Variants in CFLAR observed in about 807,000 individuals in gnomAD.
The protein encoded by CFLAR is CASP8 and FADD-like apoptosis regulator.
Under a neutral mutation model 51.1 loss-of-function variants are expected in CFLAR, and 14 were observed. That is an observed-to-expected ratio of 0.27 (90% confidence interval 0.18 to 0.43). The LOEUF (loss-of-function observed/expected upper bound fraction) is 0.43. Among genes scored for constraint, CFLAR ranks in the 20% least tolerant of loss-of-function variants. The pLI, the probability that CFLAR is intolerant of heterozygous loss-of-function variation, is 1.00. For synonymous variants in CFLAR, 210 were observed against 211.6 expected (o/e 0.99, Z 0.06); for missense variants, 390 against 566.5 (o/e 0.69, Z 3.16).
chr2:201,133,990 G>A lies in CFLAR; in HGVS notation c.387+856G>A, dbSNP rs1470752245. ...GACCAGGTAGTGGTGAAGATCTCGG[G>A]GATGTCATGATTGCTAGAAAAATAT... On this transcript the variant is annotated intron_variant, in intron 3 of 9. Transcript: ENST00000309955. Among the ~76,000 whole-genome samples the A allele has an allele frequency of 3.8e-5, 4 of 105,590 alleles. No homozygotes were observed. In the East Asian group the frequency reaches 8.2e-4, roughly 22 times the overall value. 69.3% of individuals were successfully genotyped at this position (105,590 alleles called of 152,430 possible). A position where few individuals can be genotyped will look rare whatever the true frequency, so the allele number is the denominator to read the frequency against.
At chr2:201,143,916 C>T (rs1236970220) in intron 5 of CFLAR, among the ~76,000 whole-genome samples, 1 of 151,878 alleles carries the variant, frequency 6.6e-6, no homozygotes, top group African/African-American at 2.4e-5. Context: ...CGCCACTGCA[C>T]CCCACCCTGG....
At chr2:201,144,384 T>A (rs961260093) in intron 5 of CFLAR, 1 of 152,238 alleles carries the variant, frequency 6.6e-6, no homozygotes, top group Non-Finnish European at 1.5e-5. Flanking sequence ...ATCAAGAATA[T>A]TTGATTATCA....
In CFLAR at chr2:201,146,970, A is replaced by G. The variant is rs1057197300; in HGVS notation, c.661+1538A>G. On this transcript the variant is annotated intron_variant, in intron 6 of 9. Coordinates refer to ENST00000309955, the MANE Select transcript of CFLAR (RefSeq NM_003879.7). ...CTACTGAGAAGCGAATTAATTCCTG[A>G]AATGATAGCATGTTTCTTAAAACAC... is the stretch of plus-strand genomic sequence containing the variant. Among the ~76,000 whole-genome samples the G allele has an allele frequency of 2.0e-5, 3 of 152,354 alleles. No homozygotes were observed. In the East Asian group the frequency reaches 5.8e-4, roughly 29 times the overall value.
At position 201,169,638 on chromosome 2, in the gene CFLAR, CA is replaced by C. The variant is rs1314455808; in HGVS notation, c.*5669del. The C allele has an allele frequency of 2.0e-5, 3 of 152,050 alleles. No homozygotes were observed. Among genetic ancestry groups the C allele is most frequent in the Non-Finnish European group, 2.9e-5 (2 of 68,014 alleles). 9.4% of individuals were successfully genotyped at this position (152,050 alleles called of 1,614,324 possible). A position where few individuals can be genotyped will look rare whatever the true frequency, so the allele number is the denominator to read the frequency against. The stretch of plus-strand genomic sequence containing the variant: ...ATTAAACTAAAGAGCTCCTGCACAG[CA>C]AAAGAAACTATCATTAGAGTGAACA... On this transcript the variant is annotated 3_prime_UTR_variant, in exon 10 of 10. Transcript: ENST00000309955.
chr2:201,140,211 A>C, intron 4 of CFLAR, 146 bp from the exon 5 acceptor site: 1 of 920,962 alleles, frequency 1.1e-6, no homozygotes, highest in Non-Finnish European at 1.6e-6. Flanking sequence ...TCGAAGAGTC[A>C]TCTGAAATTT....
In CFLAR at chr2:201,145,438, A is replaced by G. The variant is rs376941002; in HGVS notation, c.661+6A>G. Reference sequence around the variant, plus strand: ...GGAACAGCTTGGCGCTCAACGTAAGACCACCTTTTTTTAATATTCATTATT... The same window carrying G: ...GGAACAGCTTGGCGCTCAACGTAAGGCCACCTTTTTTTAATATTCATTATT... On this transcript the variant is annotated splice_donor_region_variant and intron_variant, in intron 6 of 9. Coordinates refer to ENST00000309955, the MANE Select transcript of CFLAR (RefSeq NM_003879.7). 8.9e-6 allele frequency: 14 copies of G among 1,576,840 alleles called. No homozygotes were observed. Among genetic ancestry groups the G allele is most frequent in the Non-Finnish European group, 1.0e-5 (12 of 1,148,576 alleles).
Position 201,140,365 on chromosome 2 carries a change from G to GC in CFLAR, c.533dup (p.Gly179ArgfsTer22). The GC allele has an allele frequency of 1.2e-6, 2 of 1,608,010 alleles. No homozygotes were observed. Among genetic ancestry groups the GC allele is most frequent in the Non-Finnish European group, 1.7e-6 (2 of 1,177,522 alleles). ...CCCTTCTGCTTTTATAGTTCAAGGA[G>GC]CAGGGACAAGTTACAGGAATGTTCT... On this transcript the variant is annotated frameshift_variant, in exon 5 of 10. Coordinates refer to ENST00000309955, the MANE Select transcript of CFLAR (RefSeq NM_003879.7). LOFTEE classifies it high-confidence loss of function.
At position 201,129,902 on chromosome 2, in the gene CFLAR, C is replaced by A; in HGVS notation, c.37C>A (p.Leu13Ile). 1 of 1,614,114 alleles carries A rather than the reference C, an allele frequency of 6.2e-7. No individual in the cohort carries two copies. Among genetic ancestry groups the A allele is most frequent in the Non-Finnish European group, 8.5e-7 (1 of 1,180,038 alleles). ...AEVIHQVEEA[L>I]DTDEKEMLLF... ...AGTCATCCATCAGGTTGAAGAAGCA[C>A]TTGATACAGATGAGAAGGAGATGCT... The change falls in exon 2 of 10, where the codon CTT becomes ATT. Residue 13 changes from leucine to isoleucine, a missense_variant. This residue lies in a region of CFLAR where 103 missense variants were observed against 202.9 expected (regional missense o/e 0.51). Transcript: ENST00000309955.
At chr2:201,147,621 G>A (rs564177485) in intron 6 of CFLAR, 14 of 151,880 alleles carry the variant, frequency 9.2e-5, no homozygotes, top group South Asian at 6.2e-4. Flanking sequence ...TGTAATCCCA[G>A]CACTTTGGGA....
At chr2:201,149,624 A>G (rs139066322) in intron 7 of CFLAR, 130 bp from the exon 8 acceptor site, 15 of 619,664 alleles carry the variant, frequency 2.4e-5, no homozygotes, top group Middle Eastern at 2.7e-4. Flanking sequence ...GTAATGGGAA[A>G]CTTCAGGCTG....
intron 5 of CFLAR, chr2:201,140,781 A>G (rs1285298806): frequency 1.2e-5 from 2 of 162,494 alleles, no homozygotes; most frequent in African/African-American, 2.4e-5. Context: ...ATATATACAT[A>G]CATACATACA....
chr2:201,124,770 G>C lies in CFLAR; in HGVS notation c.-137-4959G>C, dbSNP rs2048524969. On this transcript the variant is annotated intron_variant, in intron 1 of 9. Coordinates refer to ENST00000309955, the MANE Select transcript of CFLAR (RefSeq NM_003879.7). The surrounding 1 kb of genome is among the most constrained non-coding windows in gnomAD (Gnocchi z 4.7). ...ACGGATGGTAGGCACCAGCATTTAA[G>C]GGACAGGTGCAGAAAGAGTATGCTG... Among the ~76,000 whole-genome samples, 3 of 152,338 alleles carry C rather than the reference G, an allele frequency of 2.0e-5. No homozygotes were observed. The South Asian group carries it at 6.2e-4, about 32-fold the overall frequency.
intron 1 of CFLAR, among the ~76,000 whole-genome samples, chr2:201,117,735 C>T (rs559672705): frequency 6.7e-6 from 1 of 148,184 alleles, no homozygotes; most frequent in South Asian, 2.1e-4. Context: ...AAAAACCTGG[C>T]TGGAGCTCCA....
chr2:201,129,968 C>T lies in CFLAR; in HGVS notation c.103C>T (p.Pro35Ser), dbSNP rs768369335. 3 of 1,614,022 alleles carry T rather than the reference C, an allele frequency of 1.9e-6. No homozygotes were observed. Among genetic ancestry groups the T allele is most frequent in the Non-Finnish European group, 2.5e-6 (3 of 1,180,044 alleles). The change falls in exon 2 of 10, where the codon CCT becomes TCT. Residue 35 changes from proline to serine, a missense_variant. Transcript: ENST00000309955. ...CRDVAIDVVPPNVRDLLDILR... is the reference protein window; with the variant it reads ...CRDVAIDVVPSNVRDLLDILR... ...GGATGTTGCTATAGATGTGGTTCCA[C>T]CTAATGTCAGGGACCTTCTGGATAT... is the stretch of plus-strand genomic sequence containing the variant.
Position 201,164,035 on chromosome 2 carries a change from G to A in CFLAR, c.*62G>A. The A allele has an allele frequency of 2.8e-6, 4 of 1,433,720 alleles. No individual in the cohort carries two copies. The highest frequency in any genetic ancestry group is 2.5e-5 in the South Asian group (2 of 79,990). The allele number at this position is 1,433,720 out of a possible 1,614,324, so 88.8% of individuals were successfully genotyped here. ...AATCCCAGCACTTTGGGAGGCCAAG[G>A]AGGGCAGATCACTTCAGGTCAGGAG... On this transcript the variant is annotated 3_prime_UTR_variant, in exon 10 of 10. Transcript: ENST00000309955.
At chr2:201,154,487 A>G (rs56161269) in intron 8 of CFLAR, 37,548 of 152,160 alleles carry the variant, frequency 0.25, 5,413 homozygotes, top group African/African-American at 0.4. Flanking sequence ...GGACTCCAAA[A>G]CCTATGCTTT....
intron 3 of CFLAR, among the ~76,000 whole-genome samples, 158 bp downstream of exon 3, chr2:201,133,292 G>A (rs971577478): frequency 3.3e-5 from 5 of 152,138 alleles, no homozygotes; most frequent in Non-Finnish European, 5.9e-5. Context: ...GAAGAGAATT[G>A]GTTTATGAAT....
Position 201,138,017 on chromosome 2 carries a change from G to C in CFLAR, c.523+1910G>C. The C allele has an allele frequency of 1.4e-6, 1 of 732,300 alleles. No individual in the cohort carries two copies. The highest frequency in any genetic ancestry group is 2.5e-6 in the Non-Finnish European group (1 of 394,712). The allele number at this position is 732,300 out of a possible 1,614,324, so 45.4% of individuals were successfully genotyped here. On this transcript the variant is annotated intron_variant, in intron 4 of 9. Coordinates refer to ENST00000309955, the MANE Select transcript of CFLAR (RefSeq NM_003879.7). This position sits in a 1 kb window ranked among gnomAD's most constrained non-coding sequence, Gnocchi z 4.0. ...AGTTCTGGGTATGCTTGGCCACCTT[G>C]TACACAGCAGTGCCCTGGGGCTGAC...
At chr2:201,142,958 A>G (rs190685294) in intron 5 of CFLAR, among the ~76,000 whole-genome samples, 188 of 152,338 alleles carry the variant, frequency 1.2e-3, no homozygotes, top group Non-Finnish European at 2.2e-3. Context: ...AGTCTCTGTA[A>G]TACCAAATAA....
Sources: gnomAD v4.1 joint callset for allele counts (sites outside exome capture counted in the v4.1 genomes callset) on GRCh38, gnomAD v4.1.1 for gene constraint, gnomAD v4.1.1 regional missense constraint, Gnocchi (gnomAD v3.1) non-coding constraint, MANE v1.5 for transcripts, NCBI Gene and HGNC (gene_info 2026-07-23, HGNC 2026-07-21) for gene names.